The following ARHGAP15 variants were observed in gnomAD, a reference collection of about 807,000 sequenced individuals.
ARHGAP15 encodes the protein rho GTPase-activating protein 15.
A neutral mutation model predicts 63.7 loss-of-function variants in ARHGAP15; 51 were observed. That is an observed-to-expected ratio of 0.80 (90% CI 0.64 to 1.01). The LOEUF (loss-of-function observed/expected upper bound fraction) is 1.01. Ranked by LOEUF, ARHGAP15 falls within the 50% of genes least tolerant of loss-of-function variation. The pLI, the probability that ARHGAP15 is intolerant of heterozygous loss-of-function variation, is 0.00. For missense variants in ARHGAP15, 560 were observed against 564.6 expected, an observed-to-expected ratio of 0.99 and a Z score of 0.08; for synonymous variants, 191 against 193.8, an observed-to-expected ratio of 0.99 and a Z score of 0.12.
chr2:143,181,201 T>C (rs1691222492), intron 2 of ARHGAP15, among the ~76,000 whole-genome samples: 1 of 152,212 alleles, frequency 6.6e-6, no homozygotes, highest in African/African-American at 2.4e-5. Flanking sequence ...AGTTAAGTCA[T>C]GCTGTAAACT....
At chr2:143,133,093 A>G (rs1688977101) in intron 1 of ARHGAP15, among the ~76,000 whole-genome samples, 2 of 152,190 alleles carry the variant, frequency 1.3e-5, no homozygotes, top group Admixed American at 1.3e-4. Flanking sequence ...CGAGCCATAA[A>G]CTAGAGAATT....
chr2:143,335,879 A>G (rs1046389924), intron 6 of ARHGAP15, among the ~76,000 whole-genome samples: 2 of 152,236 alleles, frequency 1.3e-5, no homozygotes, highest in African/African-American at 2.4e-5. Flanking sequence ...CCAAGAAGAC[A>G]GGCACAGGTG....
At chr2:143,406,355 A>G (rs1467712627) in intron 6 of ARHGAP15, among the ~76,000 whole-genome samples, 1 of 151,926 alleles carries the variant, frequency 6.6e-6, no homozygotes, top group Admixed American at 6.6e-5. Flanking sequence ...CTTTTCAGCT[A>G]TACTATTTGC....
chr2:143,346,204 A>T (rs62170425), intron 6 of ARHGAP15, among the ~76,000 whole-genome samples: 29,673 of 144,604 alleles, frequency 0.21, 3,099 homozygotes, highest in East Asian at 0.41. Context: ...TCTCTCTCTC[A>T]CACACACACT....
chr2:143,693,567 T>C (rs1433501801), intron 12 of ARHGAP15, among the ~76,000 whole-genome samples: 1 of 152,214 alleles, frequency 6.6e-6, no homozygotes, highest in African/African-American at 2.4e-5. Context: ...TCATTTTTTC[T>C]CCATGGTAAA....
intron 4 of ARHGAP15, among the ~76,000 whole-genome samples, chr2:143,221,061 T>C (rs2105154755): frequency 6.6e-6 from 1 of 152,296 alleles, no homozygotes; most frequent in South Asian, 2.1e-4. Context: ...TGCTTTAAGC[T>C]ATTTGAGACT....
intron 1 of ARHGAP15, among the ~76,000 whole-genome samples, chr2:143,154,861 T>G (rs1047678125): frequency 6.6e-6 from 1 of 151,982 alleles, no homozygotes; most frequent in African/African-American, 2.4e-5. Flanking sequence ...TGGTGCTGAT[T>G]TTTTTCTTCA....
At chr2:143,359,829 A>G (rs58702517) in intron 6 of ARHGAP15, among the ~76,000 whole-genome samples, 2,056 of 152,332 alleles carry the variant, frequency 0.013, 46 homozygotes, top group African/African-American at 0.047. Flanking sequence ...ATATTTACAG[A>G]AAGTAATGTT....
At chr2:143,580,561 G>A (rs1214326905) in intron 11 of ARHGAP15, among the ~76,000 whole-genome samples, 1 of 151,944 alleles carries the variant, frequency 6.6e-6, no homozygotes, top group African/African-American at 2.4e-5. Flanking sequence ...CTCCACTGAG[G>A]TTCCAAGTTC....
At chr2:143,299,071 A>T (rs542838893) in intron 6 of ARHGAP15, among the ~76,000 whole-genome samples, 1 of 151,976 alleles carries the variant, frequency 6.6e-6, no homozygotes, top group East Asian at 1.9e-4. Flanking sequence ...CCTTCCTTTC[A>T]TTGTTTCTTC....
At chr2:143,255,852 A>G (rs1419313325) in intron 6 of ARHGAP15, among the ~76,000 whole-genome samples, 1 of 151,686 alleles carries the variant, frequency 6.6e-6, no homozygotes, top group Non-Finnish European at 1.5e-5. Context: ...AAGACACGGC[A>G]TTAAAAATAG....
chr2:143,230,546 C>T lies in ARHGAP15; in HGVS notation c.384+1878C>T, dbSNP rs115630663. ...TACTTCTGGCCCCATTTTTAATGCTCTTATGGTTTCTACCAGGCACTCATT... is the reference window on the plus strand; with the variant it reads ...TACTTCTGGCCCCATTTTTAATGCTTTTATGGTTTCTACCAGGCACTCATT... On this transcript the variant is annotated intron_variant, in intron 5 of 13. Coordinates refer to ENST00000295095, the MANE Select transcript of ARHGAP15 (RefSeq NM_018460.4). Among the ~76,000 whole-genome samples, 801 of 152,282 alleles carry T rather than the reference C, an allele frequency of 5.3e-3. 5 individuals carry two copies. The highest frequency in any genetic ancestry group is 0.018 in the African/African-American group (746 of 41,564).
intron 10 of ARHGAP15, among the ~76,000 whole-genome samples, chr2:143,550,422 C>T (rs546500186): frequency 3.9e-4 from 60 of 152,228 alleles, no homozygotes; most frequent in East Asian, 3.9e-4. Context: ...AGAATAACAA[C>T]GGAATACAAG....
intron 4 of ARHGAP15, among the ~76,000 whole-genome samples, chr2:143,217,167 T>C (rs1293558860): frequency 6.6e-6 from 1 of 152,176 alleles, no homozygotes; most frequent in African/African-American, 2.4e-5. Context: ...AATGTATTAC[T>C]AACAATTAAA....
chr2:143,249,611 A>G (rs921958802), intron 5 of ARHGAP15, among the ~76,000 whole-genome samples: 12 of 152,174 alleles, frequency 7.9e-5, no homozygotes, highest in African/African-American at 2.4e-4. Flanking sequence ...TCTTGAAAAA[A>G]TAGTAAAGAA....
At chr2:143,396,060 T>C (rs1335901644) in intron 6 of ARHGAP15, among the ~76,000 whole-genome samples, 1 of 152,152 alleles carries the variant, frequency 6.6e-6, no homozygotes, top group African/African-American at 2.4e-5. Flanking sequence ...ATTGTGGAAC[T>C]GTTGGTCTTT....
intron 10 of ARHGAP15, among the ~76,000 whole-genome samples, chr2:143,549,757 C>T (rs1228680773): frequency 1.3e-5 from 2 of 152,118 alleles, no homozygotes; most frequent in Non-Finnish European, 2.9e-5. Context: ...TATACCTTTG[C>T]CCAGGTGAAA....
intron 6 of ARHGAP15, among the ~76,000 whole-genome samples, chr2:143,367,179 G>T: frequency 6.6e-6 from 1 of 152,100 alleles, no homozygotes; most frequent in African/African-American, 2.4e-5. Flanking sequence ...ATGTATGTCT[G>T]TGTTTGCTTC....
chr2:143,468,395 G>A (rs1026779487), intron 8 of ARHGAP15, among the ~76,000 whole-genome samples: 1 of 152,050 alleles, frequency 6.6e-6, no homozygotes, highest in South Asian at 2.1e-4. Flanking sequence ...AGCTTCAGCT[G>A]CAACTCATTT....
Sources: gnomAD v4.1 joint callset for allele counts (sites outside exome capture counted in the v4.1 genomes callset) on GRCh38, gnomAD v4.1.1 for gene constraint, MANE v1.5 for transcripts, NCBI Gene and HGNC (gene_info 2026-07-23, HGNC 2026-07-21) for gene names.